The following IQGAP2 variants were observed in gnomAD, a reference collection of about 807,000 sequenced individuals.
IQGAP2 encodes ras GTPase-activating-like protein IQGAP2.
A neutral mutation model predicts 201.3 loss-of-function variants in IQGAP2; 173 were observed. The observed-to-expected ratio is 0.86, with a 90% confidence interval of 0.76 to 0.98. The LOEUF (loss-of-function observed/expected upper bound fraction) is 0.98, where lower values mean the gene tolerates loss of function less well. IQGAP2 is among the 50% of genes least tolerant of loss of function. The pLI, the probability that IQGAP2 is intolerant of heterozygous loss-of-function variation, is 0.00. For missense variants in IQGAP2, 1,687 were observed against 1,864.8 expected, an observed-to-expected ratio of 0.90 and a Z score of 1.76; for synonymous variants, 675 against 673.9, an observed-to-expected ratio of 1.00 and a Z score of -0.03.
At chr5:76,615,984 A>G (rs1748928006) in intron 13 of IQGAP2, 1 of 152,540 alleles carries the variant, frequency 6.6e-6, no homozygotes, top group Non-Finnish European at 1.5e-5. Flanking sequence ...CTGCTTTGAG[A>G]TTTTAAAAAT....
chr5:76,589,005 A>G (rs1296690796), intron 6 of IQGAP2, 32 bp downstream of exon 6: 6 of 1,477,636 alleles, frequency 4.1e-6, no homozygotes, highest in Admixed American at 1.7e-5. Flanking sequence ...ATTTTTTACA[A>G]TCTAGTTATA....
chr5:76,609,353 T>C (rs966449264), intron 12 of IQGAP2: 7 of 860,062 alleles, frequency 8.1e-6, no homozygotes, highest in African/African-American at 3.4e-5. Flanking sequence ...ATACTTAGAC[T>C]TTCCAGAGTT....
At chr5:76,595,885 G>T (rs142215716) in intron 9 of IQGAP2, among the ~76,000 whole-genome samples, 3 of 152,086 alleles carry the variant, frequency 2.0e-5, no homozygotes, top group African/African-American at 7.2e-5. Flanking sequence ...GGTAAAGCAA[G>T]ATCCTACCTA....
At chr5:76,413,249 A>G (rs1231159630) in intron 1 of IQGAP2, among the ~76,000 whole-genome samples, 2 of 134,554 alleles carry the variant, frequency 1.5e-5, no homozygotes, top group African/African-American at 5.9e-5. Context: ...GCTCACTGCA[A>G]CCTCCACCTC....
chr5:76,650,277 G>A (rs1216108339), intron 17 of IQGAP2, among the ~76,000 whole-genome samples: 1 of 152,196 alleles, frequency 6.6e-6, no homozygotes, highest in African/African-American at 2.4e-5. Context: ...TACAATGATG[G>A]GGTATGTGTG....
intron 17 of IQGAP2, 112 bp downstream of exon 17, chr5:76,641,215 A>T: frequency 1.3e-6 from 1 of 772,088 alleles, no homozygotes; most frequent in Non-Finnish European, 2.0e-6. Flanking sequence ...ATCTGACTGC[A>T]TATTTTTACA....
chr5:76,607,036 G>T (rs1747859210), intron 12 of IQGAP2: 1 of 152,184 alleles, frequency 6.6e-6, no homozygotes, highest in Non-Finnish European at 1.5e-5. Flanking sequence ...CAGCAACAGT[G>T]GGTGAGTGTT....
intron 5 of IQGAP2, 89 bp downstream of exon 5, chr5:76,575,858 T>C: frequency 1.5e-6 from 1 of 672,504 alleles, no homozygotes; most frequent in Admixed American, 3.1e-5. Flanking sequence ...TTAAGTTACT[T>C]TAATAGTTTG....
At chr5:76,704,803 T>C (rs1356655943) in intron 35 of IQGAP2, among the ~76,000 whole-genome samples, 1 of 152,204 alleles carries the variant, frequency 6.6e-6, no homozygotes, top group East Asian at 1.9e-4. Flanking sequence ...TTCAGTCAAT[T>C]GCATGAATGT....
In IQGAP2 at chr5:76,702,583, A is replaced by G. The variant is rs201167699; in HGVS notation, c.4607A>G (p.Asn1536Ser). 310 of 1,490,456 alleles carry G rather than the reference A, an allele frequency of 2.1e-4. No individual in the cohort carries two copies. The highest frequency in any genetic ancestry group is 2.6e-4 in the Non-Finnish European group (282 of 1,068,008). The allele number at this position is 1,490,456 out of a possible 1,614,324, so 92.3% of individuals were successfully genotyped here. ...LGVEMEKVQL[N>S]IQDLLQMQYE... Reference sequence around the variant, plus strand: ...GTTGAGATGGAAAAGGTGCAACTCAATATTCAGGTAAGCTGCTGGAATTTC... The same window carrying G: ...GTTGAGATGGAAAAGGTGCAACTCAGTATTCAGGTAAGCTGCTGGAATTTC... The change falls in exon 35 of 36, where the codon AAT becomes AGT. Residue 1536 changes from asparagine (N) to serine (S), a missense_variant. Physicochemically the swap from Asn to Ser is conservative, Grantham distance 46. Transcript: ENST00000274364.
intron 1 of IQGAP2, among the ~76,000 whole-genome samples, chr5:76,423,964 A>G (rs1751865085): frequency 6.6e-6 from 1 of 152,248 alleles, no homozygotes; most frequent in South Asian, 2.1e-4. Flanking sequence ...AGGTTTAGCG[A>G]ACAGTTAAAT....
intron 35 of IQGAP2, among the ~76,000 whole-genome samples, chr5:76,705,283 A>G (rs916386813): frequency 2.6e-5 from 4 of 152,218 alleles, no homozygotes; most frequent in South Asian, 2.1e-4. Context: ...GGGTTTGCAT[A>G]TACCTTAATC....
chr5:76,477,395 A>G (rs760588534), intron 2 of IQGAP2, among the ~76,000 whole-genome samples: 25 of 152,214 alleles, frequency 1.6e-4, no homozygotes, highest in Non-Finnish European at 3.2e-4. Flanking sequence ...GCTTTACACT[A>G]TCTTGAGCAT....
intron 13 of IQGAP2, chr5:76,617,981 G>T: frequency 6.2e-7 from 1 of 1,614,152 alleles, no homozygotes; most frequent in South Asian, 1.1e-5. Context: ...GGCAGGTGGT[G>T]ATGTCTGGCT....
chr5:76,449,184 T>C (rs1211116157), intron 1 of IQGAP2, among the ~76,000 whole-genome samples: 11 of 152,184 alleles, frequency 7.2e-5, no homozygotes, highest in South Asian at 4.1e-4. Context: ...CCTTGATGTG[T>C]GTGTACGATT....
At chr5:76,642,717 T>C (rs2150406421) in intron 17 of IQGAP2, among the ~76,000 whole-genome samples, 1 of 152,318 alleles carries the variant, frequency 6.6e-6, no homozygotes, top group East Asian at 1.9e-4. Context: ...CCTAGCTGGC[T>C]GAACTGCCCC....
At chr5:76,448,618 A>T (rs780618283) in intron 1 of IQGAP2, among the ~76,000 whole-genome samples, 1 of 152,164 alleles carries the variant, frequency 6.6e-6, no homozygotes, top group Non-Finnish European at 1.5e-5. Flanking sequence ...GCATCAGGAT[A>T]GTAGTGGGTG....
At chr5:76,700,916 A>G (rs139338146) in intron 33 of IQGAP2, among the ~76,000 whole-genome samples, 160 bp from the exon 34 acceptor site, 5 of 152,244 alleles carry the variant, frequency 3.3e-5, no homozygotes, top group African/African-American at 1.2e-4. Context: ...GTTGCACTCT[A>G]TGGACAAAAT....
chr5:76,550,127 G>A (rs978750464), intron 2 of IQGAP2, among the ~76,000 whole-genome samples: 11 of 152,202 alleles, frequency 7.2e-5, no homozygotes, highest in South Asian at 4.1e-4. Flanking sequence ...CTGTGAACCC[G>A]TGAAACCAGA....
Sources: gnomAD v4.1 joint callset for allele counts (sites outside exome capture counted in the v4.1 genomes callset) on GRCh38, gnomAD v4.1.1 for gene constraint, MANE v1.5 for transcripts, NCBI Gene and HGNC (gene_info 2026-07-23, HGNC 2026-07-21) for gene names.